Variants in ERC2 observed in about 807,000 individuals in gnomAD.
ERC2 encodes the protein ELKS/RAB6-interacting/CAST family member 2.
A neutral mutation model predicts 114.8 loss-of-function variants in ERC2; 42 were observed. That is an observed-to-expected ratio of 0.37 (90% CI 0.29 to 0.47). ERC2 has a LOEUF of 0.47. Ranked by LOEUF, ERC2 falls within the 20% of genes least tolerant of loss-of-function variation. The probability of loss-of-function intolerance (pLI) is 0.99; values close to 1 mark genes in which losing one functional copy is unlikely to be tolerated. For synonymous variants in ERC2, 454 were observed against 425.5 expected, an observed-to-expected ratio of 1.07 and a Z score of -0.82; for missense variants, 939 against 1,150.7, an observed-to-expected ratio of 0.82 and a Z score of 2.66.
chr3:55,614,546 TA>T (rs908280545), intron 17 of ERC2, among the ~76,000 whole-genome samples: 3 of 151,674 alleles, frequency 2.0e-5, no homozygotes, highest in African/African-American at 2.4e-5. Flanking sequence ...CTGATAAAAT[TA>T]AAAAAAAATC....
chr3:56,093,402 T>C (rs1038896406), intron 6 of ERC2, among the ~76,000 whole-genome samples: 2 of 152,164 alleles, frequency 1.3e-5, no homozygotes, highest in Non-Finnish European at 2.9e-5. Context: ...CTTGTTTCTA[T>C]GATACATTCC....
At chr3:55,910,056 T>C (rs1216442314) in intron 13 of ERC2, among the ~76,000 whole-genome samples, 1 of 152,124 alleles carries the variant, frequency 6.6e-6, no homozygotes, top group African/African-American at 2.4e-5. Flanking sequence ...TTAGGTTGAA[T>C]CAATGACTAG....
chr3:56,227,499 CA>C (rs1489475732), intron 3 of ERC2, among the ~76,000 whole-genome samples: 1 of 151,646 alleles, frequency 6.6e-6, no homozygotes, highest in Non-Finnish European at 1.5e-5. Flanking sequence ...TACTGGATGT[CA>C]CGTTGTACCA....
intron 14 of ERC2, among the ~76,000 whole-genome samples, chr3:55,783,889 T>C (rs2069266219): frequency 6.6e-6 from 1 of 152,212 alleles, no homozygotes; most frequent in African/African-American, 2.4e-5. Context: ...ATATCTAAAA[T>C]GGTATTGGCT....
chr3:56,385,203 G>C (rs933402431), intron 2 of ERC2, among the ~76,000 whole-genome samples: 5 of 151,936 alleles, frequency 3.3e-5, no homozygotes, highest in African/African-American at 7.2e-5. Context: ...GGAAGTCCAA[G>C]ATCAAGGTGC....
At chr3:56,047,332 T>C (rs549471699) in intron 7 of ERC2, among the ~76,000 whole-genome samples, 11 of 152,274 alleles carry the variant, frequency 7.2e-5, no homozygotes, top group African/African-American at 2.6e-4. Flanking sequence ...TCAGAGCATA[T>C]GTTTGGGGTA....
At chr3:55,603,500 T>A (rs200197085) in intron 17 of ERC2, among the ~76,000 whole-genome samples, 1 of 23,428 alleles carries the variant, frequency 4.3e-5, no homozygotes, top group East Asian at 0.01. Context: ...GGCGTGGTGG[T>A]GGACGCCTGT....
chr3:56,010,235 G>C (rs927695951), intron 9 of ERC2, among the ~76,000 whole-genome samples: 8 of 152,074 alleles, frequency 5.3e-5, no homozygotes, highest in Non-Finnish European at 2.9e-5. Context: ...TATATGGTTA[G>C]CAGAGCAGAG....
At chr3:56,218,297 AAAAC>A (rs573165235) in intron 3 of ERC2, among the ~76,000 whole-genome samples, 2 of 152,232 alleles carry the variant, frequency 1.3e-5, no homozygotes, top group Non-Finnish European at 2.9e-5. Flanking sequence ...TTACAAGAAA[AAAAC>A]AAACAACCCC....
rs563414990 is a variant in ERC2, at chr3:56,141,726, G to A, written c.1306-2050C>T. Among the ~76,000 whole-genome samples, 22 of 152,088 alleles carry A rather than the reference G, an allele frequency of 1.4e-4. No individual in the cohort carries two copies. The South Asian group carries it at 4.4e-3, about 30-fold the overall frequency. On this transcript the variant is annotated intron_variant, in intron 5 of 17. Transcript: ENST00000288221. Reference sequence around the variant, plus strand: ...TATCGCCATTTTTCAACTTTCATATGTTATTGTAATGAATTGCATTAATGA... The same window carrying A: ...TATCGCCATTTTTCAACTTTCATATATTATTGTAATGAATTGCATTAATGA...
At chr3:55,584,421 T>C (rs1048571065) in intron 17 of ERC2, among the ~76,000 whole-genome samples, 1 of 152,226 alleles carries the variant, frequency 6.6e-6, no homozygotes, top group Non-Finnish European at 1.5e-5. Flanking sequence ...TAGTTGTCCA[T>C]GCCAGGTGTT....
chr3:56,130,086 C>T (rs923072453), intron 6 of ERC2, among the ~76,000 whole-genome samples: 94 of 152,260 alleles, frequency 6.2e-4, no homozygotes, highest in African/African-American at 2.2e-3. Flanking sequence ...AAATTGAAAG[C>T]AGAATTACAT....
chr3:56,340,190 T>C (rs551570259), intron 2 of ERC2, among the ~76,000 whole-genome samples: 2 of 152,314 alleles, frequency 1.3e-5, no homozygotes, highest in South Asian at 2.1e-4. Context: ...TTGGGAGTAA[T>C]CTGTTTTGAC....
At chr3:56,128,586 A>T (rs2080025387) in intron 6 of ERC2, among the ~76,000 whole-genome samples, 2 of 152,190 alleles carry the variant, frequency 1.3e-5, no homozygotes, top group Non-Finnish European at 2.9e-5. Context: ...ACCCAAATGT[A>T]CTTTTTGAAT....
chr3:56,007,154 T>C, intron 10 of ERC2, 27 bp downstream of exon 10: 1 of 1,528,960 alleles, frequency 6.5e-7, no homozygotes, highest in South Asian at 1.2e-5. Flanking sequence ...TAAATAAGCA[T>C]GATTCTTTTT....
intron 4 of ERC2, among the ~76,000 whole-genome samples, chr3:56,171,041 G>A (rs2082641415): frequency 6.6e-6 from 1 of 152,070 alleles, no homozygotes; most frequent in Non-Finnish European, 1.5e-5. Flanking sequence ...TGGGATTACA[G>A]GCTTGAGCCA....
chr3:55,529,577 A>C (rs1326604017), intron 17 of ERC2, among the ~76,000 whole-genome samples: 1 of 152,200 alleles, frequency 6.6e-6, no homozygotes, highest in Non-Finnish European at 1.5e-5. Flanking sequence ...ATTTATATTT[A>C]ATTTATAATC....
At chr3:55,813,059 C>G (rs559326837) in intron 14 of ERC2, among the ~76,000 whole-genome samples, 5 of 152,210 alleles carry the variant, frequency 3.3e-5, no homozygotes, top group Non-Finnish European at 5.9e-5. Flanking sequence ...GTCATTATCC[C>G]TATTTTGCCT....
intron 14 of ERC2, among the ~76,000 whole-genome samples, chr3:55,784,217 CTCTA>C (rs1402445640): frequency 6.6e-5 from 10 of 152,008 alleles, no homozygotes; most frequent in Non-Finnish European, 1.3e-4. Context: ...AATTTGTATT[CTCTA>C]TCTTTGTGAT....
Sources: allele counts gnomAD v4.1 joint callset (sites outside exome capture counted in the v4.1 genomes callset), GRCh38; gene constraint gnomAD v4.1.1; transcripts MANE v1.5; gene names NCBI Gene and HGNC (gene_info 2026-07-23, HGNC 2026-07-21).